COMMD10: variants seen among roughly 807,000 people sequenced by gnomAD.
COMMD10 encodes COMM domain-containing protein 10.
A neutral mutation model predicts 28.9 loss-of-function variants in COMMD10; 33 were observed. That is an observed-to-expected ratio of 1.14 (90% confidence interval 0.87 to 1.53). The LOEUF (loss-of-function observed/expected upper bound fraction) is 1.53. Ranked by LOEUF, COMMD10 falls within the 40% of genes most tolerant of loss-of-function variation. The pLI, the probability that COMMD10 is intolerant of heterozygous loss-of-function variation, is 0.00. For missense variants in COMMD10, 310 were observed against 233.4 expected (o/e 1.33, Z -2.14); for synonymous variants, 110 against 81.7 (o/e 1.35, Z -1.87).
chr5:116,276,944 A>T (rs969861253), intron 5 of COMMD10, among the ~76,000 whole-genome samples: 2 of 151,812 alleles, frequency 1.3e-5, no homozygotes, highest in Non-Finnish European at 2.9e-5. Flanking sequence ...AAAATGTTCT[A>T]AAATTAATTG....
intron 5 of COMMD10, among the ~76,000 whole-genome samples, chr5:116,264,757 G>C (rs1390712083): frequency 6.6e-6 from 1 of 151,740 alleles, no homozygotes; most frequent in African/African-American, 2.4e-5. Context: ...GTCAGGTTTT[G>C]CAAAATGTCT....
At chr5:116,127,633 G>A (rs139044816) in intron 4 of COMMD10, among the ~76,000 whole-genome samples, 2 of 152,302 alleles carry the variant, frequency 1.3e-5, no homozygotes, top group African/African-American at 4.8e-5. Context: ...GTAGAGACAT[G>A]GATGAAGCTA....
intron 5 of COMMD10, among the ~76,000 whole-genome samples, chr5:116,234,607 G>A (rs1252817258): frequency 1.3e-5 from 2 of 152,120 alleles, no homozygotes; most frequent in Non-Finnish European, 2.9e-5. Flanking sequence ...GTGTTCAAAT[G>A]GAGAAACCAT....
intron 5 of COMMD10, among the ~76,000 whole-genome samples, chr5:116,267,735 T>TG (rs1423402697): frequency 6.6e-6 from 1 of 151,930 alleles, no homozygotes; most frequent in East Asian, 1.9e-4. Context: ...AGCATGGTAC[T>TG]GGTACCAAAA....
intron 5 of COMMD10, among the ~76,000 whole-genome samples, chr5:116,208,750 A>G (rs1748882255): frequency 1.3e-5 from 2 of 152,164 alleles, no homozygotes; most frequent in Non-Finnish European, 1.5e-5. Flanking sequence ...ATTGAGAACA[A>G]ACAGGGAAGT....
intron 2 of COMMD10, 40 bp downstream of exon 2, chr5:116,087,627 C>G: frequency 1.5e-6 from 2 of 1,330,304 alleles, no homozygotes; most frequent in Middle Eastern, 1.8e-4. Flanking sequence ...AATCTTCCTT[C>G]TGATTTAATT....
At chr5:116,212,392 C>T (rs954131812) in intron 5 of COMMD10, among the ~76,000 whole-genome samples, 1 of 151,902 alleles carries the variant, frequency 6.6e-6, no homozygotes, top group Admixed American at 6.6e-5. Context: ...GGTAGTCCTT[C>T]TGTATTGGGG....
intron 4 of COMMD10, among the ~76,000 whole-genome samples, chr5:116,123,728 T>G (rs1751520804): frequency 6.6e-6 from 1 of 152,182 alleles, no homozygotes; most frequent in South Asian, 2.1e-4. Context: ...AGGCTATTAA[T>G]TATTTCCTTA....
At chr5:116,197,177 T>G (rs141540067) in intron 5 of COMMD10, among the ~76,000 whole-genome samples, 1,569 of 152,210 alleles carry the variant, frequency 0.01, 12 homozygotes, top group Admixed American at 0.018. Context: ...CATAGAATCT[T>G]GAGTTTTGGA....
chr5:116,268,731 A>G (rs1245039875), intron 5 of COMMD10, among the ~76,000 whole-genome samples: 1 of 151,950 alleles, frequency 6.6e-6, no homozygotes, highest in African/African-American at 2.4e-5. Flanking sequence ...GATTAAGAAA[A>G]TGTGACACAC....
intron 5 of COMMD10, among the ~76,000 whole-genome samples, chr5:116,234,797 A>G (rs547627143): frequency 6.6e-6 from 1 of 152,356 alleles, no homozygotes; most frequent in East Asian, 1.9e-4. Flanking sequence ...AAAGGTTCTC[A>G]GAGTCTGTTT....
intron 5 of COMMD10, among the ~76,000 whole-genome samples, chr5:116,201,885 T>C (rs1438996540): frequency 1.3e-5 from 2 of 152,094 alleles, no homozygotes; most frequent in East Asian, 1.9e-4. Flanking sequence ...TTTCTTTTTA[T>C]TTTATTTTAT....
intron 5 of COMMD10, among the ~76,000 whole-genome samples, chr5:116,231,665 A>T (rs376600906): frequency 6.6e-6 from 1 of 152,188 alleles, no homozygotes; most frequent in Non-Finnish European, 1.5e-5. Flanking sequence ...AAAGGGAAAG[A>T]TAAAACTATT....
At chr5:116,101,350 A>G (rs920476533) in intron 4 of COMMD10, among the ~76,000 whole-genome samples, 1 of 151,806 alleles carries the variant, frequency 6.6e-6, no homozygotes, top group African/African-American at 2.4e-5. Flanking sequence ...TTTCTATACT[A>G]TTTTCCATAA....
intron 5 of COMMD10, among the ~76,000 whole-genome samples, chr5:116,246,358 A>T (rs1049725780): frequency 6.6e-6 from 1 of 152,124 alleles, no homozygotes; most frequent in African/African-American, 2.4e-5. Flanking sequence ...AAAACATTTC[A>T]TGCTCATGAA....
At chr5:116,089,024 C>T (rs1315725224) in intron 2 of COMMD10, among the ~76,000 whole-genome samples, 1 of 152,150 alleles carries the variant, frequency 6.6e-6, no homozygotes, top group Non-Finnish European at 1.5e-5. Flanking sequence ...ACAAAACAAA[C>T]CTAAGTCTTC....
chr5:116,141,552 C>T (rs1752196467), intron 5 of COMMD10, among the ~76,000 whole-genome samples: 1 of 151,708 alleles, frequency 6.6e-6, no homozygotes, highest in Non-Finnish European at 1.5e-5. Flanking sequence ...CGTGGGATAT[C>T]TTGCTATTTA....
At chr5:116,132,850 A>T (rs984439250) in intron 4 of COMMD10, among the ~76,000 whole-genome samples, 2 of 152,150 alleles carry the variant, frequency 1.3e-5, no homozygotes, top group African/African-American at 4.8e-5. Flanking sequence ...ATTTTTTATT[A>T]GTTATTATAG....
chr5:116,092,325 G>C (rs1393525241), intron 3 of COMMD10, among the ~76,000 whole-genome samples: 1 of 152,050 alleles, frequency 6.6e-6, no homozygotes, highest in African/African-American at 2.4e-5. Context: ...GTAAGAGTGA[G>C]AAAAAAATTC....
Sources: gnomAD v4.1 joint callset for allele counts (sites outside exome capture counted in the v4.1 genomes callset) on GRCh38, gnomAD v4.1.1 for gene constraint, MANE v1.5 for transcripts, NCBI Gene and HGNC (gene_info 2026-07-23, HGNC 2026-07-21) for gene names.